The following MAN1A1 variants were observed in gnomAD, a reference collection of about 807,000 sequenced individuals.
The protein encoded by MAN1A1 is mannosidase alpha class 1A member 1.
Under a neutral mutation model 70.8 loss-of-function variants are expected in MAN1A1, and 29 were observed. The observed-to-expected ratio is 0.41, with a 90% CI of 0.31 to 0.56. The LOEUF (loss-of-function observed/expected upper bound fraction) is 0.56. MAN1A1 is among the 20% of genes least tolerant of loss of function. The pLI, the probability that MAN1A1 is intolerant of heterozygous loss-of-function variation, is 0.29. For synonymous variants in MAN1A1, 349 were observed against 330.1 expected (o/e 1.06, Z -0.62); for missense variants, 747 against 841.3 (o/e 0.89, Z 1.39).
intron 6 of MAN1A1, among the ~76,000 whole-genome samples, chr6:119,206,079 G>C (rs1364814814): frequency 6.6e-6 from 1 of 152,188 alleles, no homozygotes; most frequent in African/African-American, 2.4e-5. Flanking sequence ...GATTCTTGAA[G>C]GGCAAGTACG....
At chr6:119,224,071 G>C (rs1774439314) in intron 6 of MAN1A1, among the ~76,000 whole-genome samples, 1 of 152,164 alleles carries the variant, frequency 6.6e-6, no homozygotes, top group Non-Finnish European at 1.5e-5. Context: ...AAAGATCAGG[G>C]TGGAATCCTG....
chr6:119,337,125 C>T (rs1323285942), intron 2 of MAN1A1, among the ~76,000 whole-genome samples: 1 of 152,076 alleles, frequency 6.6e-6, no homozygotes, highest in Non-Finnish European at 1.5e-5. Flanking sequence ...CACCAGTTTA[C>T]AGTCATATAA....
chr6:119,331,579 A>G (rs1016526481), intron 2 of MAN1A1, among the ~76,000 whole-genome samples: 2 of 143,608 alleles, frequency 1.4e-5, no homozygotes, highest in Non-Finnish European at 3.0e-5. Flanking sequence ...GCATATATAT[A>G]TATATATATA....
At chr6:119,209,471 C>G (rs1323432662) in intron 6 of MAN1A1, among the ~76,000 whole-genome samples, 1 of 152,130 alleles carries the variant, frequency 6.6e-6, no homozygotes, top group African/African-American at 2.4e-5. Flanking sequence ...GAAAAATACT[C>G]CCTCACATCC....
intron 4 of MAN1A1, among the ~76,000 whole-genome samples, chr6:119,301,514 T>G (rs6569070): frequency 0.38 from 57,433 of 152,002 alleles, 11,335 homozygotes; most frequent in Non-Finnish European, 0.41. Context: ...AAAATTTGAA[T>G]CTTTCTTTAC....
chr6:119,248,405 T>C, intron 5 of MAN1A1, 51 bp from the exon 6 acceptor site: 1 of 922,214 alleles, frequency 1.1e-6, no homozygotes, highest in Non-Finnish European at 1.8e-6. Flanking sequence ...CAAAACAAGA[T>C]GAACTATACT....
intron 5 of MAN1A1, among the ~76,000 whole-genome samples, chr6:119,261,939 A>G (rs9489636): frequency 0.015 from 2,314 of 152,348 alleles, 74 homozygotes; most frequent in African/African-American, 0.054. Context: ...TGTTTAAAAA[A>G]GATCCAAAGC....
intron 5 of MAN1A1, among the ~76,000 whole-genome samples, chr6:119,275,782 T>A (rs1449406667): frequency 2.0e-5 from 3 of 152,144 alleles, no homozygotes; most frequent in Admixed American, 6.5e-5. Flanking sequence ...ATGTAACTGA[T>A]AAGCAAGTAA....
intron 4 of MAN1A1, 136 bp downstream of exon 4, chr6:119,301,852 A>T: frequency 1.7e-6 from 1 of 581,496 alleles, no homozygotes; most frequent in Non-Finnish European, 3.1e-6. Flanking sequence ...ATAGTATAAG[A>T]TAATAGTATT....
At chr6:119,184,920 GCT>G (rs1562181141) in intron 11 of MAN1A1, among the ~76,000 whole-genome samples, 1 of 151,708 alleles carries the variant, frequency 6.6e-6, no homozygotes, top group Non-Finnish European at 1.5e-5. Flanking sequence ...AGAGAGTCTC[GCT>G]CTGTTGCTCA....
intron 2 of MAN1A1, among the ~76,000 whole-genome samples, chr6:119,340,961 G>A (rs764398963): frequency 1.3e-5 from 2 of 152,302 alleles, no homozygotes; most frequent in South Asian, 2.1e-4. Context: ...AAACACGAGC[G>A]AGAAGGAGTC....
At chr6:119,282,266 T>C (rs1325612947) in intron 5 of MAN1A1, among the ~76,000 whole-genome samples, 2 of 152,164 alleles carry the variant, frequency 1.3e-5, no homozygotes, top group East Asian at 3.9e-4. Flanking sequence ...GAGATAAAAT[T>C]TTTACAGCTT....
intron 2 of MAN1A1, among the ~76,000 whole-genome samples, chr6:119,317,787 A>T (rs1772895447): frequency 6.6e-6 from 1 of 152,148 alleles, no homozygotes; most frequent in African/African-American, 2.4e-5. Context: ...AAGGATTATG[A>T]ATTGTAATTC....
chr6:119,310,612 G>A (rs779225772), intron 2 of MAN1A1, among the ~76,000 whole-genome samples: 12 of 152,140 alleles, frequency 7.9e-5, no homozygotes, highest in Admixed American at 2.0e-4. Context: ...ACTCTACCTA[G>A]GGAAGTGTAA....
At chr6:119,328,090 T>C (rs958820261) in intron 2 of MAN1A1, among the ~76,000 whole-genome samples, 2 of 152,194 alleles carry the variant, frequency 1.3e-5, no homozygotes, top group African/African-American at 4.8e-5. Flanking sequence ...ACTCTGACTC[T>C]GACCTAGAAC....
Position 119,178,962 on chromosome 6 carries a change from A to G in MAN1A1, c.*857T>C, listed in dbSNP as rs1161103499. ...TTAGACAGACCCAATTTCTTCATAT[A>G]TTCAGTTAAACCCAAAAGCTAATCC... On this transcript the variant is annotated 3_prime_UTR_variant, in exon 13 of 13. Coordinates refer to ENST00000368468, the MANE Select transcript of MAN1A1 (RefSeq NM_005907.4). 1.3e-5 allele frequency: 2 copies of G among 152,192 alleles called. No homozygotes were observed. Among genetic ancestry groups the G allele is most frequent in the Non-Finnish European group, 2.9e-5 (2 of 67,992 alleles). The allele number at this position is 152,192 out of a possible 1,614,324, so 9.4% of individuals were successfully genotyped here.
At chr6:119,221,707 C>A (rs1037694226) in intron 6 of MAN1A1, among the ~76,000 whole-genome samples, 6 of 152,094 alleles carry the variant, frequency 3.9e-5, no homozygotes, top group African/African-American at 1.4e-4. Context: ...CCCACCTTGG[C>A]CTCCCAAAGT....
At chr6:119,331,632 C>T (rs964172540) in intron 2 of MAN1A1, among the ~76,000 whole-genome samples, 1 of 144,156 alleles carries the variant, frequency 6.9e-6, no homozygotes, top group African/African-American at 2.6e-5. Context: ...TGAACACATA[C>T]TAGTAAATAT....
intron 2 of MAN1A1, among the ~76,000 whole-genome samples, chr6:119,338,408 C>T (rs1384598360): frequency 6.6e-6 from 1 of 151,936 alleles, no homozygotes; most frequent in Non-Finnish European, 1.5e-5. Context: ...TGACAAAATG[C>T]ATATTTATCC....
Sources: gnomAD v4.1 joint callset for allele counts (sites outside exome capture counted in the v4.1 genomes callset) on GRCh38, gnomAD v4.1.1 for gene constraint, MANE v1.5 for transcripts, NCBI Gene and HGNC (gene_info 2026-07-23, HGNC 2026-07-21) for gene names.